The following PGM5 variants were observed in gnomAD, a reference collection of about 807,000 sequenced individuals.
The protein encoded by PGM5 is phosphoglucomutase-like protein 5.
A neutral mutation model predicts 59.2 loss-of-function variants in PGM5; 23 were observed. The ratio of observed to expected loss-of-function variants is 0.39; its 90% CI spans 0.28 to 0.55. The LOEUF is 0.55. Ranked by LOEUF, PGM5 falls within the 20% of genes least tolerant of loss-of-function variation. The probability of loss-of-function intolerance (pLI) is 0.66; values close to 1 mark genes in which losing one functional copy is unlikely to be tolerated. For synonymous variants in PGM5, 214 were observed against 286.0 expected, an observed-to-expected ratio of 0.75 and a Z score of 2.54; for missense variants, 574 against 748.3, an observed-to-expected ratio of 0.77 and a Z score of 2.72.
intron 1 of PGM5, among the ~76,000 whole-genome samples, chr9:68,364,847 G>A (rs1248113820): frequency 3.3e-5 from 5 of 150,426 alleles, no homozygotes; most frequent in Admixed American, 1.3e-4. Flanking sequence ...CCCAGTTGCT[G>A]GGGTGGTTAT....
intron 9 of PGM5, among the ~76,000 whole-genome samples, chr9:68,494,327 A>G (rs1462333306): frequency 6.6e-6 from 1 of 152,172 alleles, no homozygotes; most frequent in East Asian, 1.9e-4. Context: ...TTGTTTTATT[A>G]GCCTCACTGT....
intron 6 of PGM5, among the ~76,000 whole-genome samples, chr9:68,454,213 G>T (rs1400079629): frequency 1.1e-4 from 17 of 152,168 alleles, no homozygotes. Flanking sequence ...GAAGGTCAAG[G>T]TTCCTGCCAA....
intron 6 of PGM5, among the ~76,000 whole-genome samples, chr9:68,416,088 C>T (rs1334941429): frequency 6.6e-6 from 1 of 152,134 alleles, no homozygotes; most frequent in East Asian, 1.9e-4. Context: ...GATAAATTAA[C>T]CATGCTCATG....
chr9:68,394,137 G>A (rs1342103888), intron 6 of PGM5: 1 of 152,050 alleles, frequency 6.6e-6, no homozygotes, highest in Non-Finnish European at 1.5e-5. Flanking sequence ...ACATTCTGAG[G>A]TGACGGGAAT....
intron 10 of PGM5, among the ~76,000 whole-genome samples, chr9:68,523,185 C>G (rs1032311330): frequency 6.6e-6 from 1 of 152,204 alleles, no homozygotes; most frequent in Non-Finnish European, 1.5e-5. Context: ...CAATCAGCTG[C>G]AGCCAGGGAG....
chr9:68,436,165 G>C (rs1391129869), intron 6 of PGM5, among the ~76,000 whole-genome samples: 2 of 152,184 alleles, frequency 1.3e-5, no homozygotes, highest in Non-Finnish European at 2.9e-5. Flanking sequence ...AGCCATAACA[G>C]ATTAGCCCAA....
chr9:68,415,779 A>ATATCTATCTATCTATC (rs782447993), intron 6 of PGM5, among the ~76,000 whole-genome samples: 449 of 32,838 alleles, frequency 0.014, no homozygotes, highest in Middle Eastern at 0.038. Context: ...AAGGCAGGGA[A>ATATCTATCTATCTATC]TATCTATCTA....
intron 10 of PGM5, among the ~76,000 whole-genome samples, chr9:68,509,702 AG>A (rs11322687): frequency 0.54 from 81,789 of 151,916 alleles, 22,926 homozygotes; most frequent in Admixed American, 0.64. Context: ...GGTAAGGTAA[AG>A]CATGATGAGA....
intron 10 of PGM5, among the ~76,000 whole-genome samples, chr9:68,502,833 G>T (rs906851700): frequency 2.0e-5 from 3 of 152,106 alleles, no homozygotes; most frequent in African/African-American, 7.2e-5. Flanking sequence ...GGGATTACAG[G>T]TGACCGCCAC....
intron 7 of PGM5, among the ~76,000 whole-genome samples, chr9:68,467,398 C>T (rs576516497): frequency 2.8e-4 from 42 of 152,320 alleles, no homozygotes; most frequent in Non-Finnish European, 5.7e-4. Flanking sequence ...TTGGAATTCA[C>T]TTGACTGTGT....
chr9:68,456,320 G>A (rs1197970739), intron 6 of PGM5, among the ~76,000 whole-genome samples: 1 of 150,712 alleles, frequency 6.6e-6, no homozygotes, highest in Admixed American at 6.6e-5. Context: ...GGGTGGGGGG[G>A]TGGCAGGAGG....
intron 6 of PGM5, chr9:68,397,826 T>C (rs1822550906): frequency 1.3e-5 from 2 of 152,292 alleles, no homozygotes; most frequent in Non-Finnish European, 2.9e-5. Context: ...CAGAAACAGG[T>C]ATCTGGACCT....
chr9:68,462,327 C>G (rs1587817893), intron 6 of PGM5, among the ~76,000 whole-genome samples: 3 of 152,216 alleles, frequency 2.0e-5, no homozygotes, highest in South Asian at 2.1e-4. Flanking sequence ...GGCTTTCTGC[C>G]AAAAACCCAT....
At chr9:68,432,354 C>A (rs1554683097) in intron 6 of PGM5, among the ~76,000 whole-genome samples, 2 of 151,764 alleles carry the variant, frequency 1.3e-5, no homozygotes, top group East Asian at 3.9e-4. Flanking sequence ...GCAAGCGCCA[C>A]CACACCCAGC....
At chr9:68,377,974 G>T (rs1184471248) in intron 1 of PGM5, among the ~76,000 whole-genome samples, 1 of 152,124 alleles carries the variant, frequency 6.6e-6, no homozygotes, top group African/African-American at 2.4e-5. Context: ...CCTATTTACA[G>T]GTTAATAATT....
chr9:68,422,820 A>G (rs1279717786), intron 6 of PGM5, among the ~76,000 whole-genome samples: 2 of 152,148 alleles, frequency 1.3e-5, no homozygotes, highest in East Asian at 3.9e-4. Flanking sequence ...TGGTGCACCC[A>G]TCACCTGAGC....
At chr9:68,372,214 C>A (rs1821753792) in intron 1 of PGM5, among the ~76,000 whole-genome samples, 1 of 151,440 alleles carries the variant, frequency 6.6e-6, no homozygotes, top group African/African-American at 2.4e-5. Context: ...GTTCTGGAGG[C>A]CAGAAGTCAA....
intron 7 of PGM5, among the ~76,000 whole-genome samples, chr9:68,467,261 C>A (rs562003584): frequency 1.3e-5 from 2 of 152,248 alleles, no homozygotes; most frequent in South Asian, 4.1e-4. Context: ...TATACTAGGC[C>A]TTTAAGAATT....
intron 6 of PGM5, chr9:68,397,038 T>C (rs1301155630): frequency 2.6e-5 from 4 of 152,692 alleles, no homozygotes; most frequent in African/African-American, 9.6e-5. Context: ...CTTTAATTTC[T>C]ACTCTTACAG....
Sources: gnomAD v4.1 joint callset for allele counts (sites outside exome capture counted in the v4.1 genomes callset) on GRCh38, gnomAD v4.1.1 for gene constraint, MANE v1.5 for transcripts, NCBI Gene and HGNC (gene_info 2026-07-23, HGNC 2026-07-21) for gene names.